Variants in NRXN3 observed in about 807,000 individuals in gnomAD.
NRXN3 encodes the protein neurexin 3, also known as neurexin III.
Under a neutral mutation model 137.6 loss-of-function variants are expected in NRXN3, and 32 were observed. That is an observed-to-expected ratio of 0.23 (90% CI 0.18 to 0.31). The LOEUF is 0.31. Ranked by LOEUF, NRXN3 falls within the 10% of genes least tolerant of loss-of-function variation. NRXN3 has a pLI of 1.00. For synonymous variants in NRXN3, 798 were observed against 784.5 expected (o/e 1.02, Z -0.29); for missense variants, 1,574 against 2,062.5 (o/e 0.76, Z 4.59).
chr14:78,264,619 G>A (rs560736462), intron 2 of NRXN3, among the ~76,000 whole-genome samples: 21 of 152,236 alleles, frequency 1.4e-4, no homozygotes, highest in East Asian at 3.9e-4. Flanking sequence ...AGCAGTGCCC[G>A]TTCACGTGTT....
intron 8 of NRXN3, among the ~76,000 whole-genome samples, chr14:78,735,833 G>A (rs1409012511): frequency 2.6e-5 from 4 of 152,176 alleles, no homozygotes; most frequent in Admixed American, 2.6e-4. Flanking sequence ...TAAGTTAGAA[G>A]TCAGTTTTCT....
intron 17 of NRXN3, among the ~76,000 whole-genome samples, chr14:79,690,436 A>G (rs894750716): frequency 2.6e-5 from 4 of 152,032 alleles, no homozygotes; most frequent in Admixed American, 6.6e-5. Flanking sequence ...ATGAGAAATG[A>G]TTCCTTGAGG....
chr14:78,983,876 A>C (rs2099496065), intron 14 of NRXN3, among the ~76,000 whole-genome samples: 2 of 151,580 alleles, frequency 1.3e-5, no homozygotes, highest in South Asian at 4.2e-4. Flanking sequence ...AAAAAAAGAA[A>C]AAAAAAGAAA....
At chr14:78,383,278 G>A (rs2089441115) in intron 4 of NRXN3, among the ~76,000 whole-genome samples, 1 of 152,066 alleles carries the variant, frequency 6.6e-6, no homozygotes, top group African/African-American at 2.4e-5. Context: ...AATCTCCTCT[G>A]GCCATGCTCA....
chr14:79,164,128 G>C (rs568226380), intron 15 of NRXN3, among the ~76,000 whole-genome samples: 1 of 151,946 alleles, frequency 6.6e-6, no homozygotes, highest in South Asian at 2.1e-4. Context: ...GTAGTCCCTT[G>C]TATTGCTCTT....
At chr14:78,278,112 A>T (rs1411906882) in intron 2 of NRXN3, among the ~76,000 whole-genome samples, 1 of 152,192 alleles carries the variant, frequency 6.6e-6, no homozygotes, top group Non-Finnish European at 1.5e-5. Context: ...TATGTCCTTC[A>T]GTCCTATGTG....
intron 8 of NRXN3, among the ~76,000 whole-genome samples, chr14:78,723,306 A>G (rs538692102): frequency 6.6e-6 from 1 of 152,300 alleles, no homozygotes; most frequent in African/African-American, 2.4e-5. Flanking sequence ...AAGAAACAAG[A>G]GTGGAGGTCG....
At chr14:78,553,665 A>G (rs1164721098) in intron 4 of NRXN3, among the ~76,000 whole-genome samples, 2 of 152,200 alleles carry the variant, frequency 1.3e-5, no homozygotes, top group Non-Finnish European at 2.9e-5. Context: ...TAATTTTGGT[A>G]AGTCCGGGGA....
At chr14:79,120,747 T>A (rs1183347043) in intron 15 of NRXN3, among the ~76,000 whole-genome samples, 2 of 152,192 alleles carry the variant, frequency 1.3e-5, no homozygotes, top group Non-Finnish European at 2.9e-5. Flanking sequence ...TTAAATTTTT[T>A]AAATAACTAA....
chr14:78,839,661 C>T (rs1471249894), intron 10 of NRXN3, among the ~76,000 whole-genome samples: 8 of 152,132 alleles, frequency 5.3e-5, no homozygotes, highest in Non-Finnish European at 8.8e-5. Context: ...CTCACTCAAT[C>T]ACATGTTCAC....
chr14:79,185,948 T>G (rs901959050), intron 15 of NRXN3, among the ~76,000 whole-genome samples: 6 of 152,226 alleles, frequency 3.9e-5, no homozygotes, highest in Non-Finnish European at 7.3e-5. Flanking sequence ...TGTATGCTAT[T>G]TTGAGATGAC....
intron 10 of NRXN3, among the ~76,000 whole-genome samples, chr14:78,846,001 C>A (rs913602670): frequency 1.3e-5 from 2 of 151,050 alleles, no homozygotes; most frequent in Admixed American, 6.6e-5. Context: ...TCTGAGTTTC[C>A]AAGTAAATTT....
intron 10 of NRXN3, among the ~76,000 whole-genome samples, chr14:78,828,320 G>A (rs1368921444): frequency 6.6e-6 from 1 of 152,172 alleles, no homozygotes; most frequent in African/African-American, 2.4e-5. Context: ...TCACACATTA[G>A]AGTAATTGGC....
chr14:79,812,090 G>T (rs753751499), intron 20 of NRXN3, among the ~76,000 whole-genome samples: 7 of 151,932 alleles, frequency 4.6e-5, no homozygotes, highest in Non-Finnish European at 8.8e-5. Context: ...CCCATAGATC[G>T]ACTATTGTGG....
intron 6 of NRXN3, among the ~76,000 whole-genome samples, chr14:78,706,846 T>C (rs940026933): frequency 3.3e-5 from 5 of 152,220 alleles, no homozygotes; most frequent in African/African-American, 1.2e-4. Flanking sequence ...TCCATTAGAA[T>C]GCAAACAGCT....
In NRXN3 at chr14:78,239,103, C is replaced by T. The variant is rs555968028; in HGVS notation, c.-703-3288C>T. On this transcript the variant is annotated intron_variant, in intron 1 of 20. Transcript: ENST00000335750. ...TGCATGGAACAGAAGTCAAATAATC[C>T]ACAGGAACATTCTTCCACTTCTGCT... Among the ~76,000 whole-genome samples, 8 of 152,290 alleles carry T rather than the reference C, an allele frequency of 5.3e-5. No individual in the cohort carries two copies. In the East Asian group the frequency reaches 1.5e-3, roughly 29 times the overall value.
intron 15 of NRXN3, among the ~76,000 whole-genome samples, chr14:79,053,839 G>T (rs1196422528): frequency 1.3e-5 from 2 of 151,974 alleles, no homozygotes; most frequent in Non-Finnish European, 1.5e-5. Flanking sequence ...GAATGGGATG[G>T]GATCAGGGAC....
chr14:79,202,720 T>G (rs925985478), intron 15 of NRXN3, among the ~76,000 whole-genome samples: 1 of 152,202 alleles, frequency 6.6e-6, no homozygotes, highest in Admixed American at 6.5e-5. Flanking sequence ...TCATTCCTTT[T>G]TATGGCTGAG....
chr14:78,433,074 A>G (rs1415451642), intron 4 of NRXN3, among the ~76,000 whole-genome samples: 1 of 152,158 alleles, frequency 6.6e-6, no homozygotes, highest in East Asian at 1.9e-4. Context: ...GCTGCAATCA[A>G]GGTGTTGCCT....
Sources: gnomAD v4.1 joint callset for allele counts (sites outside exome capture counted in the v4.1 genomes callset) on GRCh38, gnomAD v4.1.1 for gene constraint, MANE v1.5 for transcripts, NCBI Gene and HGNC (gene_info 2026-07-23, HGNC 2026-07-21) for gene names.